The following SPAG16 variants were observed in gnomAD, a reference collection of about 807,000 sequenced individuals.
SPAG16 encodes sperm associated antigen 16.
Under a neutral mutation model 80.4 loss-of-function variants are expected in SPAG16, and 86 were observed. The observed-to-expected ratio is 1.07, with a 90% CI of 0.90 to 1.28. The LOEUF (loss-of-function observed/expected upper bound fraction) is 1.28. Ranked by LOEUF, SPAG16 falls within the 50% of genes most tolerant of loss-of-function variation. The pLI is 0.00. For synonymous variants in SPAG16, 294 were observed against 265.9 expected, an observed-to-expected ratio of 1.11 and a Z score of -1.03; for missense variants, 870 against 765.3, an observed-to-expected ratio of 1.14 and a Z score of -1.61.
At chr2:214,065,507 A>G (rs1487572894) in intron 13 of SPAG16, among the ~76,000 whole-genome samples, 1 of 152,138 alleles carries the variant, frequency 6.6e-6, no homozygotes, top group African/African-American at 2.4e-5. Flanking sequence ...ACAAAAGCAA[A>G]TGGCACAGGG....
chr2:213,846,395 G>A (rs572865285), intron 10 of SPAG16, among the ~76,000 whole-genome samples: 13 of 152,068 alleles, frequency 8.5e-5, no homozygotes, highest in African/African-American at 2.9e-4. Flanking sequence ...CTTAGAATAA[G>A]ATGTATTTTA....
chr2:213,321,879 T>C (rs1484008882), intron 5 of SPAG16, among the ~76,000 whole-genome samples: 1 of 152,106 alleles, frequency 6.6e-6, no homozygotes, highest in East Asian at 1.9e-4. Context: ...ACAATATTTT[T>C]CTCAGAAAAG....
At chr2:213,749,576 T>C (rs1034543073) in intron 10 of SPAG16, among the ~76,000 whole-genome samples, 3 of 152,240 alleles carry the variant, frequency 2.0e-5, no homozygotes, top group Non-Finnish European at 4.4e-5. Flanking sequence ...TATCAGTTTA[T>C]GGTTCTTCAC....
rs182991298 is a variant in SPAG16 at position 213,286,566 on chromosome 2, G to T, written c.136+1947G>T. On this transcript the variant is annotated intron_variant, in intron 1 of 15. Transcript: ENST00000331683. The stretch of plus-strand genomic sequence containing the variant: ...AGACTTCCTTTGGTTTAAAGTCTTT[G>T]CTTTCAGGTAATTTAATTGAGCTAT... Among the ~76,000 whole-genome samples, 7 of 152,302 alleles carry T rather than the reference G, an allele frequency of 4.6e-5. No homozygotes were observed. The East Asian group carries it at 1.2e-3, about 25-fold the overall frequency.
At chr2:214,332,210 C>T (rs760194055) in intron 15 of SPAG16, among the ~76,000 whole-genome samples, 2 of 152,180 alleles carry the variant, frequency 1.3e-5, no homozygotes, top group Non-Finnish European at 2.9e-5. Flanking sequence ...CAAGATCACA[C>T]CACTGCACTC....
At chr2:214,009,201 A>G (rs567719916) in intron 12 of SPAG16, among the ~76,000 whole-genome samples, 1 of 152,238 alleles carries the variant, frequency 6.6e-6, no homozygotes, top group African/African-American at 2.4e-5. Context: ...AACTACTGCC[A>G]TTCCCAGCTC....
intron 12 of SPAG16, among the ~76,000 whole-genome samples, chr2:213,986,717 CAT>C (rs2046022048): frequency 6.6e-6 from 1 of 151,326 alleles, no homozygotes; most frequent in African/African-American, 2.4e-5. Context: ...CCTTAGGAGA[CAT>C]AATAGGTTTT....
chr2:213,544,636 A>G (rs1049922425), intron 10 of SPAG16, among the ~76,000 whole-genome samples: 3 of 152,094 alleles, frequency 2.0e-5, no homozygotes, highest in African/African-American at 7.2e-5. Context: ...CAAACAGGGT[A>G]CTTTCACTGC....
intron 10 of SPAG16, among the ~76,000 whole-genome samples, chr2:213,510,814 G>A (rs1372409487): frequency 6.6e-6 from 1 of 152,040 alleles, no homozygotes; most frequent in Non-Finnish European, 1.5e-5. Flanking sequence ...ATATACCTAT[G>A]TTTACCTAGT....
intron 11 of SPAG16, among the ~76,000 whole-genome samples, chr2:213,916,305 G>A (rs1390504793): frequency 6.6e-6 from 1 of 152,118 alleles, no homozygotes; most frequent in Non-Finnish European, 1.5e-5. Context: ...GTGTAAGGAA[G>A]GGATCCAGTT....
chr2:213,542,114 CGT>C (rs1424732870), intron 10 of SPAG16, among the ~76,000 whole-genome samples: 1 of 151,968 alleles, frequency 6.6e-6, no homozygotes, highest in Admixed American at 6.6e-5. Context: ...TAAAAAGAAA[CGT>C]AACAAGAACA....
rs184621314 is a variant in SPAG16, at chr2:213,542,656, A to G, written c.1070+52566A>G. Among the ~76,000 whole-genome samples, 988 of 152,276 alleles carry G rather than the reference A, an allele frequency of 6.5e-3. 11 individuals are homozygous for G. Among genetic ancestry groups the G allele is most frequent in the Non-Finnish European group, 8.3e-3 (564 of 67,968 alleles). ...CTAAGTATAAGAATATTGCGAATTA[A>G]AAGATGCAGAATATTTCCACTGAGA... On this transcript the variant is annotated intron_variant, in intron 10 of 15. Transcript: ENST00000331683.
At chr2:213,313,438 A>G (rs535856723) in intron 4 of SPAG16, among the ~76,000 whole-genome samples, 1 of 151,936 alleles carries the variant, frequency 6.6e-6, no homozygotes, top group South Asian at 2.1e-4. Flanking sequence ...CAACAACTGT[A>G]TCTAGCAGGT....
chr2:213,911,922 A>T (rs1249666387), intron 11 of SPAG16, among the ~76,000 whole-genome samples: 3 of 152,026 alleles, frequency 2.0e-5, no homozygotes, highest in Admixed American at 2.0e-4. Flanking sequence ...CCATGAAGAG[A>T]TGAACACAAT....
chr2:213,844,620 T>G (rs2074520454), intron 10 of SPAG16, among the ~76,000 whole-genome samples: 1 of 152,206 alleles, frequency 6.6e-6, no homozygotes, highest in South Asian at 2.1e-4. Flanking sequence ...TTTTTTGATT[T>G]ACGAGGACTT....
intron 10 of SPAG16, among the ~76,000 whole-genome samples, chr2:213,602,868 G>A (rs1238621589): frequency 1.3e-5 from 2 of 152,126 alleles, no homozygotes; most frequent in Non-Finnish European, 2.9e-5. Flanking sequence ...GATTAAGAAT[G>A]TATTCTCTGC....
At chr2:214,143,000 G>A (rs941230296) in intron 14 of SPAG16, among the ~76,000 whole-genome samples, 1 of 152,008 alleles carries the variant, frequency 6.6e-6, no homozygotes, top group African/African-American at 2.4e-5. Context: ...TGCATAGTAT[G>A]CCTGTCATCC....
At chr2:213,637,063 T>G (rs1379120299) in intron 10 of SPAG16, among the ~76,000 whole-genome samples, 2 of 152,170 alleles carry the variant, frequency 1.3e-5, no homozygotes, top group African/African-American at 4.8e-5. Context: ...CAACATTTCC[T>G]TGTTCAATAT....
chr2:214,355,089 A>G (rs1213886787), intron 15 of SPAG16, among the ~76,000 whole-genome samples: 1 of 151,958 alleles, frequency 6.6e-6, no homozygotes, highest in Non-Finnish European at 1.5e-5. Context: ...CCTACGCATT[A>G]CCATTCAGGA....
Sources: allele counts gnomAD v4.1 joint callset (sites outside exome capture counted in the v4.1 genomes callset), GRCh38; gene constraint gnomAD v4.1.1; transcripts MANE v1.5; gene names NCBI Gene and HGNC (gene_info 2026-07-23, HGNC 2026-07-21).